Variants in SORCS2 observed in about 807,000 individuals in gnomAD.
SORCS2 encodes the protein sortilin related VPS10 domain containing receptor 2.
In SORCS2, 100 loss-of-function variants were observed where a neutral mutation model predicts 141.6. The observed-to-expected ratio is 0.71, with a 90% CI of 0.60 to 0.83. The LOEUF (loss-of-function observed/expected upper bound fraction) is 0.83. SORCS2 is among the 40% of genes least tolerant of loss of function. The probability of loss-of-function intolerance (pLI) is 0.00; values close to 1 mark genes in which losing one functional copy is unlikely to be tolerated. For missense variants in SORCS2, 1,646 were observed against 1,560.2 expected (o/e 1.05, Z -0.93); for synonymous variants, 789 against 676.9 (o/e 1.17, Z -2.57).
chr4:7,440,607 C>T (rs74517891), intron 2 of SORCS2, among the ~76,000 whole-genome samples: 15,918 of 152,236 alleles, frequency 0.1, 962 homozygotes, highest in Middle Eastern at 0.24. Context: ...GCCCAGCCTG[C>T]TCTGGAACTT....
chr4:7,502,259 T>C (rs1021543677), intron 2 of SORCS2, among the ~76,000 whole-genome samples: 4 of 152,166 alleles, frequency 2.6e-5, no homozygotes, highest in African/African-American at 9.7e-5. Flanking sequence ...GAAGAAGTCC[T>C]TGGAAGCCAG....
chr4:7,650,164 C>G (rs1000020086), intron 4 of SORCS2, among the ~76,000 whole-genome samples: 7 of 152,198 alleles, frequency 4.6e-5, no homozygotes, highest in African/African-American at 1.7e-4. Flanking sequence ...AATTCAAGTG[C>G]AGGTCTGACA....
intron 2 of SORCS2, among the ~76,000 whole-genome samples, chr4:7,520,515 T>C (rs941924173): frequency 4.6e-5 from 7 of 152,232 alleles, no homozygotes; most frequent in African/African-American, 1.7e-4. Flanking sequence ...TCTGGAACGA[T>C]CTGCTAGTGA....
intron 3 of SORCS2, among the ~76,000 whole-genome samples, chr4:7,568,010 C>A (rs1715140200): frequency 6.6e-6 from 1 of 152,196 alleles, no homozygotes; most frequent in African/African-American, 2.4e-5. Flanking sequence ...TCCTTGCTTT[C>A]TGGCGCTACA....
chr4:7,330,627 C>T (rs781475600), intron 1 of SORCS2, among the ~76,000 whole-genome samples: 7 of 152,030 alleles, frequency 4.6e-5, no homozygotes, highest in Middle Eastern at 3.4e-3. Flanking sequence ...TTAGAAACAA[C>T]GGCTAGAATT....
At chr4:7,243,927 G>T (rs1000996562) in intron 1 of SORCS2, among the ~76,000 whole-genome samples, 52 of 152,340 alleles carry the variant, frequency 3.4e-4, no homozygotes, top group African/African-American at 1.2e-3. Context: ...CCCGATGGTG[G>T]GATTCCGGTG....
At chr4:7,392,907 G>GTC (rs1723957960) in intron 1 of SORCS2, among the ~76,000 whole-genome samples, 1 of 151,448 alleles carries the variant, frequency 6.6e-6, no homozygotes, top group African/African-American at 2.4e-5. Context: ...TCGGGGGGGG[G>GTC]GGGGTGCTGC....
intron 3 of SORCS2, among the ~76,000 whole-genome samples, chr4:7,593,135 C>A (rs1717027996): frequency 6.6e-6 from 1 of 152,124 alleles, no homozygotes; most frequent in South Asian, 2.1e-4. Flanking sequence ...CCCCTGCACT[C>A]CAGCCTGGAC....
chr4:7,461,343 C>T (rs534842382), intron 2 of SORCS2, among the ~76,000 whole-genome samples: 8 of 152,220 alleles, frequency 5.3e-5, no homozygotes, highest in Non-Finnish European at 1.0e-4. Context: ...CTTCCTCCCC[C>T]AAAGTCCCGC....
rs1715037324 is a variant in SORCS2, at chr4:7,270,354, C to T, written c.480+77228C>T. Among the ~76,000 whole-genome samples the T allele has an allele frequency of 2.6e-5, 4 of 152,398 alleles. No homozygotes were observed. The South Asian group carries it at 6.2e-4, about 24-fold the overall frequency. On this transcript the variant is annotated intron_variant, in intron 1 of 26. Transcript: ENST00000507866. ...AGTGGCAGCTCCCCACGGCTGCGTT[C>T]ACCCTTGCAGGGGGAGCTGCGCTGG...
Position 7,242,997 on chromosome 4 carries a change from C to T in SORCS2, c.480+49871C>T, listed in dbSNP as rs116008605. On this transcript the variant is annotated intron_variant, in intron 1 of 26. Transcript: ENST00000507866. ...CACATGCTGGTGAGTTTCCAGAGGA[C>T]GGTCAGCCCTGGTCCTCCTTGAGTG... Among the ~76,000 whole-genome samples the T allele has an allele frequency of 1.4e-3, 211 of 152,292 alleles. 1 individual carries two copies. Among genetic ancestry groups the T allele is most frequent in the African/African-American group, 4.8e-3 (199 of 41,562 alleles).
chr4:7,523,772 C>T (rs944910731), intron 2 of SORCS2, among the ~76,000 whole-genome samples: 6 of 152,178 alleles, frequency 3.9e-5, no homozygotes, highest in Non-Finnish European at 5.9e-5. Context: ...CCCGGCGCCC[C>T]GCAGACACTC....
intron 1 of SORCS2, among the ~76,000 whole-genome samples, chr4:7,203,157 C>T (rs993000203): frequency 2.6e-5 from 4 of 152,170 alleles, no homozygotes; most frequent in African/African-American, 9.7e-5. Context: ...GCTGGCTGGG[C>T]GTGGTGGCTC....
At chr4:7,633,383 C>T (rs1213406089) in intron 3 of SORCS2, among the ~76,000 whole-genome samples, 6 of 152,172 alleles carry the variant, frequency 3.9e-5, no homozygotes, top group African/African-American at 1.4e-4. Flanking sequence ...CCTGAAGCCC[C>T]GTCCCCCAGG....
chr4:7,396,152 TACTG>T (rs1342458068), intron 1 of SORCS2, 132 bp from the exon 2 acceptor site: 4 of 702,510 alleles, frequency 5.7e-6, no homozygotes, highest in African/African-American at 3.6e-5. Context: ...CTCTCAGGGA[TACTG>T]ACTAAGAGAG....
intron 3 of SORCS2, among the ~76,000 whole-genome samples, chr4:7,634,371 CAA>C (rs57071486): frequency 1.2e-3 from 161 of 135,778 alleles, no homozygotes; most frequent in Admixed American, 1.3e-3. Flanking sequence ...GACTGTGTCT[CAA>C]AAAAAAAAAA....
At chr4:7,290,796 T>TTCATTCA (rs1553828752) in intron 1 of SORCS2, among the ~76,000 whole-genome samples, 53 of 151,362 alleles carry the variant, frequency 3.5e-4, no homozygotes, top group African/African-American at 8.0e-4. Context: ...GGCTGCATTC[T>TTCATTCA]TTCATTCATT....
At chr4:7,594,442 C>G (rs1717125505) in intron 3 of SORCS2, among the ~76,000 whole-genome samples, 1 of 152,250 alleles carries the variant, frequency 6.6e-6, no homozygotes, top group Non-Finnish European at 1.5e-5. Context: ...GAAGGGTAAG[C>G]TTCTTGCTTG....
chr4:7,541,197 G>A (rs888605874), intron 3 of SORCS2, among the ~76,000 whole-genome samples: 3 of 152,242 alleles, frequency 2.0e-5, no homozygotes, highest in Non-Finnish European at 4.4e-5. Flanking sequence ...CTGCTGCAGG[G>A]CTGCCATGCG....
Sources: gnomAD v4.1 joint callset for allele counts (sites outside exome capture counted in the v4.1 genomes callset) on GRCh38, gnomAD v4.1.1 for gene constraint, MANE v1.5 for transcripts, NCBI Gene and HGNC (gene_info 2026-07-23, HGNC 2026-07-21) for gene names.